Variants in OPCML observed in about 807,000 individuals in gnomAD.
OPCML encodes the protein opioid-binding protein/cell adhesion molecule.
A neutral mutation model predicts 37.8 loss-of-function variants in OPCML; 13 were observed. The ratio of observed to expected loss-of-function variants is 0.34; its 90% CI spans 0.22 to 0.55. The LOEUF (loss-of-function observed/expected upper bound fraction) is 0.55, where lower values mean the gene tolerates loss of function less well. OPCML is among the 20% of genes least tolerant of loss of function. The pLI, the probability that OPCML is intolerant of heterozygous loss-of-function variation, is 0.91. For synonymous variants in OPCML, 176 were observed against 168.8 expected (o/e 1.04, Z -0.33); for missense variants, 341 against 435.6 (o/e 0.78, Z 1.93).
chr11:132,871,988 T>C (rs778315664), intron 2 of OPCML, among the ~76,000 whole-genome samples: 3 of 152,214 alleles, frequency 2.0e-5, no homozygotes, highest in Non-Finnish European at 4.4e-5. Context: ...TTTTATCCCA[T>C]CTTTCTAGAA....
intron 2 of OPCML, among the ~76,000 whole-genome samples, chr11:132,777,146 T>A (rs186607011): frequency 2.9e-4 from 44 of 152,308 alleles, no homozygotes; most frequent in Non-Finnish European, 3.1e-4. Flanking sequence ...CTCTAAGAAC[T>A]AGCAGAGCAT....
rs547296610 is a variant in OPCML at position 132,657,848 on chromosome 11, G to T, written c.147-529C>A. Among the ~76,000 whole-genome samples the T allele has an allele frequency of 2.6e-5, 4 of 152,264 alleles. No individual in the cohort carries two copies. The South Asian group carries it at 8.3e-4, about 32-fold the overall frequency. On this transcript the variant is annotated intron_variant, in intron 2 of 7. Transcript: ENST00000524381. ...CCTGCAAACTACAATTTATAACATA[G>T]GTTGGTAAAATTCACCTTAGAAAGC...
intron 1 of OPCML, among the ~76,000 whole-genome samples, chr11:133,255,578 C>T (rs1941286293): frequency 6.6e-6 from 1 of 151,916 alleles, no homozygotes; most frequent in African/African-American, 2.4e-5. Context: ...AAGAAGAGGC[C>T]ACACACAAAA....
chr11:132,801,078 T>G (rs760517733), intron 2 of OPCML, among the ~76,000 whole-genome samples: 9 of 152,238 alleles, frequency 5.9e-5, no homozygotes, highest in Non-Finnish European at 8.8e-5. Flanking sequence ...TTACTTTGTA[T>G]AGGTCTACTC....
chr11:132,778,515 CTT>C (rs1002216237), intron 2 of OPCML, among the ~76,000 whole-genome samples: 1 of 152,092 alleles, frequency 6.6e-6, no homozygotes, highest in African/African-American at 2.4e-5. Flanking sequence ...AAAGAGGAAA[CTT>C]ATTTGTACAG....
intron 1 of OPCML, chr11:133,366,228 G>A (rs192492390): frequency 2.6e-5 from 4 of 152,286 alleles, no homozygotes; most frequent in Admixed American, 1.3e-4. Context: ...ATCAGGTCAC[G>A]AATACAAATC....
intron 1 of OPCML, among the ~76,000 whole-genome samples, chr11:133,084,618 T>C (rs940918864): frequency 1.3e-5 from 2 of 152,150 alleles, no homozygotes; most frequent in African/African-American, 2.4e-5. Context: ...GGAGGCGTAT[T>C]GGGGCGCTCC....
chr11:133,333,273 G>T (rs1175119048), intron 1 of OPCML, among the ~76,000 whole-genome samples: 1 of 152,032 alleles, frequency 6.6e-6, no homozygotes, highest in Admixed American at 6.6e-5. Context: ...TGCCCAGGCT[G>T]GTCTCAAACT....
At chr11:133,383,012 G>A (rs556961241) in intron 1 of OPCML, among the ~76,000 whole-genome samples, 2 of 152,186 alleles carry the variant, frequency 1.3e-5, no homozygotes, top group East Asian at 3.9e-4. Flanking sequence ...AGCCAAAAAG[G>A]AGCTACATTT....
chr11:133,327,493 C>T (rs1181011717), intron 1 of OPCML, among the ~76,000 whole-genome samples: 1 of 151,882 alleles, frequency 6.6e-6, no homozygotes, highest in Non-Finnish European at 1.5e-5. Context: ...AGAAAAAAAT[C>T]GTGGAATTAG....
intron 1 of OPCML, among the ~76,000 whole-genome samples, chr11:133,168,385 A>G (rs756118590): frequency 6.6e-6 from 1 of 152,174 alleles, no homozygotes; most frequent in African/African-American, 2.4e-5. Context: ...GATTATGCCA[A>G]TATGGTCCTG....
At chr11:132,483,294 C>T (rs1339502232) in intron 4 of OPCML, among the ~76,000 whole-genome samples, 3 of 150,974 alleles carry the variant, frequency 2.0e-5, no homozygotes, top group African/African-American at 7.4e-5. Context: ...ACAGCCAAAT[C>T]ATGAGTGAAC....
intron 1 of OPCML, among the ~76,000 whole-genome samples, chr11:133,430,894 T>C (rs939795509): frequency 6.6e-6 from 1 of 152,220 alleles, no homozygotes; most frequent in Non-Finnish European, 1.5e-5. Flanking sequence ...CAAAGTTTGG[T>C]TGAGTGTGTG....
chr11:133,505,448 G>T (rs79094382), intron 1 of OPCML, among the ~76,000 whole-genome samples: 1 of 152,150 alleles, frequency 6.6e-6, no homozygotes, highest in Admixed American at 6.5e-5. Context: ...GCACCTGCTC[G>T]GGAACCTCCT....
intron 2 of OPCML, among the ~76,000 whole-genome samples, chr11:132,659,634 T>C (rs1793262): frequency 0.087 from 13,240 of 152,198 alleles, 690 homozygotes; most frequent in Non-Finnish European, 0.11. Context: ...TAAGCTACAA[T>C]TGAAAAGGAT....
intron 3 of OPCML, among the ~76,000 whole-genome samples, chr11:132,574,629 A>G (rs7941613): frequency 0.055 from 8,427 of 151,978 alleles, 470 homozygotes; most frequent in African/African-American, 0.13. Context: ...AAATATATTT[A>G]GTATAATTTC....
At chr11:133,307,537 G>T (rs368388671) in intron 1 of OPCML, among the ~76,000 whole-genome samples, 48 of 152,058 alleles carry the variant, frequency 3.2e-4, no homozygotes, top group African/African-American at 1.2e-3. Context: ...TTTTCTTTTG[G>T]CTGTCCCCAT....
intron 1 of OPCML, among the ~76,000 whole-genome samples, chr11:133,448,692 A>G (rs1369880344): frequency 6.6e-6 from 1 of 152,188 alleles, no homozygotes; most frequent in East Asian, 1.9e-4. Flanking sequence ...TCCAGACCTC[A>G]GGTGATCGCC....
chr11:133,015,860 C>G (rs774312734), intron 1 of OPCML, among the ~76,000 whole-genome samples: 1 of 152,166 alleles, frequency 6.6e-6, no homozygotes, highest in Non-Finnish European at 1.5e-5. Context: ...TCCTCCCCAT[C>G]CCTAACAAAT....
Sources: gnomAD v4.1 joint callset for allele counts (sites outside exome capture counted in the v4.1 genomes callset) on GRCh38, gnomAD v4.1.1 for gene constraint, MANE v1.5 for transcripts, NCBI Gene and HGNC (gene_info 2026-07-23, HGNC 2026-07-21) for gene names.